RAI1: variants seen among roughly 807,000 people sequenced by gnomAD.
RAI1 encodes retinoic acid induced 1, also known as retinoic acid-induced protein 1.
In RAI1, 9 loss-of-function variants were observed where a neutral mutation model predicts 123.8. That is an observed-to-expected ratio of 0.07 (90% CI 0.04 to 0.13). RAI1 has a LOEUF of 0.13. Ranked by LOEUF, RAI1 falls within the 10% of genes least tolerant of loss-of-function variation. RAI1 has a pLI of 1.00. For missense variants in RAI1, 2,256 were observed against 2,545.8 expected, an observed-to-expected ratio of 0.89 and a Z score of 2.45; for synonymous variants, 1,231 against 1,127.3, an observed-to-expected ratio of 1.09 and a Z score of -1.84.
chr17:17,797,326 A>C lies in RAI1; in HGVS notation c.4378A>C (p.Lys1460Gln), dbSNP rs2032297138. The C allele has an allele frequency of 6.2e-7, 1 of 1,612,408 alleles. No homozygotes were observed. The highest frequency in any genetic ancestry group is 8.5e-7 in the Non-Finnish European group (1 of 1,179,814). The change falls in exon 3 of 6, where the codon AAA becomes CAA. Residue 1460 changes from lysine (K) to glutamine (Q), a missense_variant. Coordinates refer to ENST00000353383, the MANE Select transcript of RAI1 (RefSeq NM_030665.4). ...KGRAGAHGLSKGPLEKRPYLG... is the reference protein window; with the variant it reads ...KGRAGAHGLSQGPLEKRPYLG... ...CCGGGCAGGGGCCCATGGACTCTCCAAAGGCCCGCTGGAGAAGCGGCCCTA... is the reference window on the plus strand; with the variant it reads ...CCGGGCAGGGGCCCATGGACTCTCCCAAGGCCCGCTGGAGAAGCGGCCCTA...
intron 2 of RAI1, among the ~76,000 whole-genome samples, chr17:17,774,566 C>T (rs542221312): frequency 2.6e-5 from 4 of 152,372 alleles, no homozygotes; most frequent in East Asian, 3.9e-4. Flanking sequence ...GACAGCGTGT[C>T]CGCCCACCCG....
chr17:17,794,177 A>C lies in RAI1; in HGVS notation c.1229A>C (p.Gln410Pro), dbSNP rs199885507. ...GATGCCACCAGCTCTGTGGACACCC[A>C]GGCTGGCAACTGCAAGCCCCTTCAG... ...PTDATSSVDT[Q>P]AGNCKPLQKD... Residue 410 changes from glutamine (Q) to proline (P), a missense_variant, in exon 3 of 6, where the codon CAG (glutamine) becomes CCG (proline). Transcript: ENST00000353383. 8.1e-6 allele frequency: 13 copies of C among 1,613,718 alleles called. No homozygotes were observed. Among genetic ancestry groups the C allele is most frequent in the Admixed American group, 1.7e-5 (1 of 60,010 alleles).
At chr17:17,780,690 G>A (rs1470431555) in intron 2 of RAI1, among the ~76,000 whole-genome samples, 1 of 152,350 alleles carries the variant, frequency 6.6e-6, no homozygotes, top group South Asian at 2.1e-4. Flanking sequence ...ACAGGAGGGG[G>A]TCAGACGGCA....
rs373839120 is a variant in RAI1, at chr17:17,797,506, A to G, written c.4558A>G (p.Thr1520Ala). 1.9e-6 allele frequency: 3 copies of G among 1,613,536 alleles called. No individual in the cohort carries two copies. In the South Asian group the frequency reaches 3.3e-5, roughly 18 times the overall value. The change falls in exon 3 of 6, where the codon ACA (threonine) becomes GCA (alanine). Residue 1520 changes from threonine to alanine, a missense_variant. By Grantham distance (58) the Thr-to-Ala change is moderately conservative. This residue lies in a region of RAI1 where 410 missense variants were observed against 374.6 expected (regional missense o/e 1.09). Transcript: ENST00000353383. ...GGAGGGCAGGCCCTGCCAGCCCCAG[A>G]CAAGGGCACAGAAACAGCCAGGCCA... ...PPEGRPCQPQ[T>A]RAQKQPGHTN...
At chr17:17,681,826 A>T in intron 1 of RAI1, 33 bp downstream of exon 1, 1 of 278,734 alleles carries the variant, frequency 3.6e-6, no homozygotes, top group Non-Finnish European at 6.7e-6. Flanking sequence ...CGGGGGGCGC[A>T]GTGTATCCTG....
At chr17:17,693,567 T>C (rs1914910407) in intron 1 of RAI1, among the ~76,000 whole-genome samples, 1 of 152,186 alleles carries the variant, frequency 6.6e-6, no homozygotes, top group South Asian at 2.1e-4. Context: ...GGAGGTGGAT[T>C]CAAGGAGTGA....
intron 4 of RAI1, among the ~76,000 whole-genome samples, chr17:17,807,562 T>C (rs1435590952): frequency 1.3e-5 from 2 of 152,218 alleles, no homozygotes; most frequent in African/African-American, 2.4e-5. Context: ...AACCTGTCAG[T>C]GAGTGCCCAG....
intron 4 of RAI1, among the ~76,000 whole-genome samples, chr17:17,804,668 G>A (rs954319324): frequency 6.6e-6 from 1 of 151,952 alleles, no homozygotes; most frequent in Non-Finnish European, 1.5e-5. Context: ...GGTGGTTTTC[G>A]TTCTTGTTTG....
chr17:17,754,260 A>T (rs897057606), intron 2 of RAI1, among the ~76,000 whole-genome samples: 3 of 131,134 alleles, frequency 2.3e-5, no homozygotes, highest in Non-Finnish European at 4.6e-5. Context: ...GCTAGAGTGC[A>T]ATGGCGCGAT....
At chr17:17,783,919 C>T (rs1254427312) in intron 2 of RAI1, among the ~76,000 whole-genome samples, 1 of 152,204 alleles carries the variant, frequency 6.6e-6, no homozygotes, top group Admixed American at 6.5e-5. Flanking sequence ...GCCGGCCCCG[C>T]TTTCACGTTG....
Position 17,800,294 on chromosome 17 carries a change from C to T in RAI1, c.5565+1781C>T, listed in dbSNP as rs148940177. ...CTCTCCCGTCATCAAAAAATAATAA[C>T]CCTCAGATCACCAGCCCCAGCTGGC... On this transcript the variant is annotated intron_variant, in intron 3 of 5. Transcript: ENST00000353383. The surrounding 1 kb of genome is among the most constrained non-coding windows in gnomAD (Gnocchi z 4.7). Among the ~76,000 whole-genome samples, 253 of 150,854 alleles carry T rather than the reference C, an allele frequency of 1.7e-3. No individual in the cohort carries two copies. Among genetic ancestry groups the T allele is most frequent in the African/African-American group, 5.8e-3 (240 of 41,172 alleles).
At chr17:17,692,818 A>G (rs1308656895) in intron 1 of RAI1, among the ~76,000 whole-genome samples, 2 of 152,198 alleles carry the variant, frequency 1.3e-5, no homozygotes, top group African/African-American at 2.4e-5. Flanking sequence ...TAAATTCAGC[A>G]CAGAAAGGGA....
chr17:17,722,114 G>A (rs530724230), intron 1 of RAI1, among the ~76,000 whole-genome samples: 63 of 152,286 alleles, frequency 4.1e-4, no homozygotes, highest in African/African-American at 1.5e-3. Flanking sequence ...GGAGGCCGAG[G>A]AGAATGAGAC....
chr17:17,705,145 C>G (rs925397381), intron 1 of RAI1, among the ~76,000 whole-genome samples: 3 of 152,186 alleles, frequency 2.0e-5, no homozygotes, highest in East Asian at 1.9e-4. Context: ...CTGACTGATT[C>G]TTCATCATCA....
At chr17:17,777,045 G>A (rs1389033971) in intron 2 of RAI1, 1 of 152,066 alleles carries the variant, frequency 6.6e-6, no homozygotes, top group African/African-American at 2.4e-5. Flanking sequence ...TCCATTCTCT[G>A]AGTACTCAGC....
intron 1 of RAI1, among the ~76,000 whole-genome samples, chr17:17,694,879 C>A (rs779347695): frequency 6.6e-6 from 1 of 151,894 alleles, no homozygotes; most frequent in Non-Finnish European, 1.5e-5. Flanking sequence ...GGGTCTTTTT[C>A]CGGGAACGCG....
Position 17,796,885 on chromosome 17 carries a change from G to A in RAI1, c.3937G>A (p.Ala1313Thr). 6.2e-7 allele frequency: 1 copy of A among 1,613,226 alleles called. No homozygotes were observed. The highest frequency in any genetic ancestry group is 8.5e-7 in the Non-Finnish European group (1 of 1,180,022). ...KLASRAAFQG[A>T]MKTKVLPPRK... Reference sequence around the variant, plus strand: ...CGCCTCTCGGGCAGCCTTCCAGGGGGCCATGAAGACCAAGGTGCTGCCACC... The same window carrying A: ...CGCCTCTCGGGCAGCCTTCCAGGGGACCATGAAGACCAAGGTGCTGCCACC... The change falls in exon 3 of 6, where the codon GCC (alanine) becomes ACC (threonine). Residue 1313 changes from alanine to threonine, a missense_variant. Coordinates refer to ENST00000353383, the MANE Select transcript of RAI1 (RefSeq NM_030665.4). The surrounding 1 kb of genome is among the most constrained non-coding windows in gnomAD (Gnocchi z 5.8).
intron 2 of RAI1, chr17:17,777,246 T>G (rs941445): frequency 0.95 from 145,298 of 152,204 alleles, 69,412 homozygotes; most frequent in East Asian, 1. Flanking sequence ...GGTAGTACCA[T>G]TTTACCCTCC....
intron 2 of RAI1, among the ~76,000 whole-genome samples, chr17:17,763,215 G>A (rs1567882577): frequency 6.6e-6 from 1 of 152,178 alleles, no homozygotes; most frequent in African/African-American, 2.4e-5. Flanking sequence ...TTTAAGACAC[G>A]CCGCATTTTC....
Sources: allele counts gnomAD v4.1 joint callset (sites outside exome capture counted in the v4.1 genomes callset), GRCh38; gene constraint gnomAD v4.1.1; regional missense constraint gnomAD v4.1.1; non-coding constraint Gnocchi (gnomAD v3.1); transcripts MANE v1.5; gene names NCBI Gene and HGNC (gene_info 2026-07-23, HGNC 2026-07-21).